The following PADI3 variants were observed in gnomAD, a reference collection of about 807,000 sequenced individuals.
The protein encoded by PADI3 is protein-arginine deiminase type-3.
A neutral mutation model predicts 71.5 loss-of-function variants in PADI3; 53 were observed. The observed-to-expected ratio is 0.74, with a 90% CI of 0.59 to 0.93. The LOEUF is 0.93. Among genes scored for constraint, PADI3 ranks in the 40% least tolerant of loss-of-function variants. The pLI is 0.00. For missense variants in PADI3, 821 were observed against 868.0 expected (o/e 0.95, Z 0.68); for synonymous variants, 361 against 347.5 (o/e 1.04, Z -0.43).
chr1:17,267,782 A>C, intron 5 of PADI3, 55 bp from the exon 6 acceptor site: 1 of 1,596,280 alleles, frequency 6.3e-7, no homozygotes, highest in South Asian at 1.1e-5. Flanking sequence ...CAGCAGAGGA[A>C]GGGGCCAGGG....
At chr1:17,270,451 C>T in intron 7 of PADI3, 40 bp downstream of exon 7, 1 of 1,558,768 alleles carries the variant, frequency 6.4e-7, no homozygotes, top group Middle Eastern at 1.8e-4. Context: ...CCACTCGGGA[C>T]CAGCCTGGGC....
chr1:17,269,174 C>G (rs961245338), intron 6 of PADI3, among the ~76,000 whole-genome samples: 2 of 152,156 alleles, frequency 1.3e-5, no homozygotes, highest in African/African-American at 2.4e-5. Context: ...CGTGAGACGC[C>G]GCACCTGGCC....
chr1:17,279,600 C>T (rs1470351116), intron 13 of PADI3, among the ~76,000 whole-genome samples: 1 of 152,204 alleles, frequency 6.6e-6, no homozygotes, highest in Non-Finnish European at 1.5e-5. Context: ...CATATCCTAC[C>T]TGTGTGACCT....
intron 15 of PADI3, among the ~76,000 whole-genome samples, chr1:17,282,094 C>A (rs1335725408): frequency 6.6e-6 from 1 of 152,168 alleles, no homozygotes; most frequent in Non-Finnish European, 1.5e-5. Flanking sequence ...TGCAAAGCCT[C>A]TTTTCACTCC....
chr1:17,260,717 T>C (rs913595069), intron 2 of PADI3, among the ~76,000 whole-genome samples: 2 of 152,164 alleles, frequency 1.3e-5, no homozygotes, highest in African/African-American at 4.8e-5. Context: ...ACCCATTTAA[T>C]AGGCAAGAAA....
intron 5 of PADI3, among the ~76,000 whole-genome samples, chr1:17,267,042 C>A (rs1416070048): frequency 6.6e-6 from 1 of 152,170 alleles, no homozygotes; most frequent in Admixed American, 6.5e-5. Flanking sequence ...CACTCACATG[C>A]CAGGGCAGAA....
At chr1:17,253,297 C>T (rs2072988198) in intron 1 of PADI3, among the ~76,000 whole-genome samples, 1 of 152,140 alleles carries the variant, frequency 6.6e-6, no homozygotes, top group Admixed American at 6.5e-5. Context: ...GGGTCAGGTC[C>T]CATCTGCATG....
intron 1 of PADI3, among the ~76,000 whole-genome samples, chr1:17,252,058 A>G (rs9803868): frequency 0.08 from 12,106 of 152,192 alleles, 580 homozygotes; most frequent in South Asian, 0.2. Context: ...TTGCCTTTCC[A>G]TGAATTGGAG....
At chr1:17,266,875 T>C in intron 5 of PADI3, 39 bp downstream of exon 5, 2 of 1,474,028 alleles carry the variant, frequency 1.4e-6, no homozygotes, top group Non-Finnish European at 1.9e-6. Context: ...GTGTCCAGGG[T>C]CACTGCTCAG....
At position 17,276,725 on chromosome 1, in the gene PADI3, G is replaced by T. The variant is rs372069561; in HGVS notation, c.1453-49G>T. 15 of 1,613,658 alleles carry T rather than the reference G, an allele frequency of 9.3e-6. No individual in the cohort carries two copies. The African/African-American group carries it at 1.6e-4, about 17-fold the overall frequency. ...TCTGGGGCAAGAACTGAGCTCCAGG[G>T]CGCCATGCCAAGGCAGGAGGCTCAG... On this transcript the variant is annotated intron_variant, in intron 12 of 15. Transcript: ENST00000375460.
At chr1:17,273,011 C>T (rs2073276044) in intron 9 of PADI3, among the ~76,000 whole-genome samples, 1 of 152,122 alleles carries the variant, frequency 6.6e-6, no homozygotes, top group South Asian at 2.1e-4. Flanking sequence ...TTTATGGATC[C>T]AACTCAGGCC....
chr1:17,255,396 A>C (rs540219286), intron 1 of PADI3, among the ~76,000 whole-genome samples: 1 of 152,176 alleles, frequency 6.6e-6, no homozygotes, highest in Non-Finnish European at 1.5e-5. Flanking sequence ...AGGCCTGTGC[A>C]TGGAAGCCTC....
Sources: gnomAD v4.1 joint callset for allele counts (sites outside exome capture counted in the v4.1 genomes callset) on GRCh38, gnomAD v4.1.1 for gene constraint, MANE v1.5 for transcripts, NCBI Gene and HGNC (gene_info 2026-07-23, HGNC 2026-07-21) for gene names.